The following ACP1 variants were observed in gnomAD, a reference collection of about 807,000 sequenced individuals.
ACP1 encodes low molecular weight phosphotyrosine protein phosphatase.
ACP1 carries 23 observed loss-of-function variants against 23.4 expected under a neutral mutation model. That is an observed-to-expected ratio of 0.98 (90% CI 0.71 to 1.39). The LOEUF (loss-of-function observed/expected upper bound fraction) is 1.39. Among genes scored for constraint, ACP1 ranks in the 40% most tolerant of loss-of-function variants. The probability of loss-of-function intolerance (pLI) is 0.00; values close to 1 mark genes in which losing one functional copy is unlikely to be tolerated. For missense variants in ACP1, 180 were observed against 197.7 expected, an observed-to-expected ratio of 0.91 and a Z score of 0.54; for synonymous variants, 72 against 67.2, an observed-to-expected ratio of 1.07 and a Z score of -0.35.
chr2:274,986 ATT>A (rs1440059400), intron 3 of ACP1, 152 bp from the exon 4 acceptor site: 9 of 405,774 alleles, frequency 2.2e-5, no homozygotes, highest in Non-Finnish European at 4.0e-5. Context: ...GGTTAACTCT[ATT>A]TTAACTTAAA....
rs374297884 is a variant in ACP1, at chr2:265,021, G to A, written c.43+14G>A. The stretch of plus-strand genomic sequence containing the variant: ...TTGTGTGTCTGGGTAAGAGGGCGCC[G>A]ACTTACTCATGTTCTGACGTCCTCT... On this transcript the variant is annotated intron_variant, in intron 1 of 5. Transcript: ENST00000272065. 2.5e-6 allele frequency: 4 copies of A among 1,612,434 alleles called. No homozygotes were observed.
chr2:265,042 C>T (rs776304705), intron 1 of ACP1, 35 bp downstream of exon 1: 15 of 1,608,856 alleles, frequency 9.3e-6, no homozygotes, highest in South Asian at 1.1e-5. Context: ...GTTCTGACGT[C>T]CTCTGGAGAG....
chr2:265,178 C>T (rs906121737), intron 1 of ACP1, 171 bp downstream of exon 1: 3 of 655,424 alleles, frequency 4.6e-6, no homozygotes, highest in South Asian at 2.4e-5. Context: ...CCCCATCCGC[C>T]CCGTGCACCC....
chr2:275,271 C>A, intron 4 of ACP1, 70 bp downstream of exon 4: 1 of 845,630 alleles, frequency 1.2e-6, no homozygotes. Flanking sequence ...ATTTGTTGTC[C>A]AGATTTACTT....
At chr2:266,181 C>A (rs941577373) in intron 1 of ACP1, 15 of 152,138 alleles carry the variant, frequency 9.9e-5, no homozygotes, top group Non-Finnish European at 1.5e-4. Flanking sequence ...TTGTCGATGG[C>A]AATAACTGTG....
At position 265,747 on chromosome 2, in the gene ACP1, G is replaced by T. The variant is rs181908493; in HGVS notation, c.43+740G>T. On this transcript the variant is annotated intron_variant, in intron 1 of 5. Coordinates refer to ENST00000272065, the MANE Select transcript of ACP1 (RefSeq NM_004300.4). The stretch of plus-strand genomic sequence containing the variant: ...GGAAGGCCTAAATTGTCAGTAGTCC[G>T]GTTACTTAAAACCTTCTGTGAGTTT... Among the ~76,000 whole-genome samples, 351 of 152,274 alleles carry T rather than the reference G, an allele frequency of 2.3e-3. 2 individuals are homozygous for T. Among genetic ancestry groups the T allele is most frequent in the Non-Finnish European group, 4.1e-3 (281 of 68,024 alleles).
At chr2:270,811 C>A (rs952589718) in intron 1 of ACP1, among the ~76,000 whole-genome samples, 1 of 151,750 alleles carries the variant, frequency 6.6e-6, no homozygotes, top group African/African-American at 2.4e-5. Flanking sequence ...GTTAGGGAAC[C>A]TCCCAGAATG....
At chr2:269,290 A>G in intron 1 of ACP1, 1 of 470,748 alleles carries the variant, frequency 2.1e-6, no homozygotes, top group Non-Finnish European at 4.4e-6. Flanking sequence ...CTTTCCCTTT[A>G]TGGTTTGTAG....
intron 3 of ACP1, among the ~76,000 whole-genome samples, chr2:274,181 A>C (rs1670113578): frequency 6.6e-6 from 1 of 152,156 alleles, no homozygotes. Flanking sequence ...AAAAGAAAAA[A>C]TTCAGTATTG....
At chr2:269,207 A>T (rs946555682) in intron 1 of ACP1, 1 of 419,708 alleles carries the variant, frequency 2.4e-6, no homozygotes, top group Non-Finnish European at 4.9e-6. Flanking sequence ...ACTAAACAAA[A>T]TTTAGAATGT....
rs1410681101 is a variant in ACP1 at position 277,443 on chromosome 2, A to C, written c.*139A>C. ...TTGACTTACTGTTTCTTACCTTAAA[A>C]AGTAATTGTAGATGGAAATCAGTTG... On this transcript the variant is annotated 3_prime_UTR_variant, in exon 6 of 6. Transcript: ENST00000272065. The C allele has an allele frequency of 5.5e-6, 4 of 725,178 alleles. No homozygotes were observed. Among genetic ancestry groups the C allele is most frequent in the Non-Finnish European group, 9.6e-6 (4 of 414,568 alleles). 44.9% of individuals were successfully genotyped at this position (725,178 alleles called of 1,614,324 possible). A position where few individuals can be genotyped will look rare whatever the true frequency, so the allele number is the denominator to read the frequency against.
intron 3 of ACP1, among the ~76,000 whole-genome samples, chr2:274,268 T>C (rs1670115466): frequency 6.6e-6 from 1 of 152,220 alleles, no homozygotes; most frequent in Non-Finnish European, 1.5e-5. Flanking sequence ...CTACTGGAAG[T>C]GCATACTAAA....
At chr2:271,997 G>GAAA in intron 2 of ACP1, 40 bp from the exon 3 acceptor site, 1 of 1,148,152 alleles carries the variant, frequency 8.7e-7, no homozygotes, top group Non-Finnish European at 1.2e-6. Flanking sequence ...GCAGGAAATT[G>GAAA]CAAAAAAAAA....
At chr2:273,525 G>A (rs1670098513) in intron 3 of ACP1, among the ~76,000 whole-genome samples, 1 of 152,220 alleles carries the variant, frequency 6.6e-6, no homozygotes, top group South Asian at 2.1e-4. Context: ...TCATTCACCT[G>A]TAGTTCGCGG....
intron 3 of ACP1, chr2:273,097 T>TA (rs1280008067): frequency 1.3e-5 from 2 of 154,190 alleles, no homozygotes; most frequent in Non-Finnish European, 2.9e-5. Flanking sequence ...CGTCCTGTGG[T>TA]AGAAGGTGGA....
intron 3 of ACP1, chr2:274,450 A>G (rs566063305): frequency 1.3e-5 from 2 of 152,734 alleles, no homozygotes; most frequent in East Asian, 3.9e-4. Context: ...TCAGAAAACA[A>G]TCATAAGCTT....
intron 3 of ACP1, 41 bp from the exon 4 acceptor site, chr2:275,099 A>G (rs1162658735): frequency 1.5e-5 from 16 of 1,085,646 alleles, no homozygotes; most frequent in African/African-American, 7.8e-5. Context: ...CTAGGCTTGA[A>G]TGGTATAAAC....
chr2:270,744 A>G (rs1414332904), intron 1 of ACP1, among the ~76,000 whole-genome samples: 1 of 152,064 alleles, frequency 6.6e-6, no homozygotes, highest in African/African-American at 2.4e-5. Context: ...CTCTTTGAAT[A>G]TTGTCTCATG....
intron 4 of ACP1, 46 bp downstream of exon 4, chr2:275,247 C>T (rs1230710093): frequency 1.8e-6 from 2 of 1,092,084 alleles, no homozygotes; most frequent in South Asian, 1.8e-5. Flanking sequence ...CTCAGTTCAG[C>T]AGTGGGCCAA....
Sources: allele counts gnomAD v4.1 joint callset (sites outside exome capture counted in the v4.1 genomes callset), GRCh38; gene constraint gnomAD v4.1.1; transcripts MANE v1.5; gene names NCBI Gene and HGNC (gene_info 2026-07-23, HGNC 2026-07-21).